PRKAG2: variants seen among roughly 807,000 people sequenced by gnomAD.
The protein encoded by PRKAG2 is protein kinase AMP-activated non-catalytic subunit gamma 2.
Under a neutral mutation model 69.6 loss-of-function variants are expected in PRKAG2, and 26 were observed. The ratio of observed to expected loss-of-function variants is 0.37; its 90% CI spans 0.27 to 0.52. PRKAG2 has a LOEUF of 0.52. PRKAG2 is among the 20% of genes least tolerant of loss of function. The pLI is 0.90. For synonymous variants in PRKAG2, 293 were observed against 285.0 expected (o/e 1.03, Z -0.28); for missense variants, 557 against 740.0 (o/e 0.75, Z 2.87).
chr7:151,817,661 C>T (rs2078676892), intron 1 of PRKAG2, among the ~76,000 whole-genome samples: 1 of 152,226 alleles, frequency 6.6e-6, no homozygotes, highest in Admixed American at 6.5e-5. Flanking sequence ...TCACCAGGGC[C>T]CTCTCCTGGA....
At chr7:151,675,365 C>T (rs1224128041) in intron 4 of PRKAG2, 55 bp downstream of exon 4, 31 of 1,532,988 alleles carry the variant, frequency 2.0e-5, no homozygotes, top group Non-Finnish European at 2.5e-5. Context: ...GCAATAACTG[C>T]TCTGCCCTCC....
At chr7:151,813,996 G>A (rs144764381) in intron 1 of PRKAG2, among the ~76,000 whole-genome samples, 238 of 152,228 alleles carry the variant, frequency 1.6e-3, no homozygotes, top group Non-Finnish European at 2.8e-3. Context: ...TGACAACTTC[G>A]CTAAGATTTC....
At chr7:151,822,823 G>A (rs1292420738) in intron 1 of PRKAG2, among the ~76,000 whole-genome samples, 1 of 151,176 alleles carries the variant, frequency 6.6e-6, no homozygotes, top group African/African-American at 2.4e-5. Flanking sequence ...ACACCTCCAC[G>A]TCACACTCCC....
At chr7:151,713,136 C>T (rs1795591104) in intron 3 of PRKAG2, among the ~76,000 whole-genome samples, 1 of 152,128 alleles carries the variant, frequency 6.6e-6, no homozygotes, top group Admixed American at 6.5e-5. Flanking sequence ...AAATGGTGAA[C>T]AGAGAAGGAA....
At chr7:151,851,670 C>T (rs1262702468) in intron 1 of PRKAG2, among the ~76,000 whole-genome samples, 1 of 152,180 alleles carries the variant, frequency 6.6e-6, no homozygotes. Context: ...TAGGGGAGAG[C>T]GCTCCTGGGG....
At chr7:151,864,198 C>G (rs1340296031) in intron 1 of PRKAG2, among the ~76,000 whole-genome samples, 1 of 152,318 alleles carries the variant, frequency 6.6e-6, no homozygotes, top group South Asian at 2.1e-4. Context: ...GCCACAGGGC[C>G]GGCAGATGGC....
chr7:151,595,643 T>G, intron 5 of PRKAG2, among the ~76,000 whole-genome samples, 189 bp from the exon 6 acceptor site: 1 of 152,036 alleles, frequency 6.6e-6, no homozygotes, highest in South Asian at 2.1e-4. Flanking sequence ...AGGTCCCAGA[T>G]GGTGAAATAA....
intron 1 of PRKAG2, among the ~76,000 whole-genome samples, chr7:151,833,507 G>A (rs1197159786): frequency 6.6e-6 from 1 of 152,158 alleles, no homozygotes; most frequent in Admixed American, 6.5e-5. Flanking sequence ...CCCTGTGGGT[G>A]CCGCCCTCAC....
At chr7:151,791,193 C>T (rs2077260279) in intron 1 of PRKAG2, among the ~76,000 whole-genome samples, 1 of 152,190 alleles carries the variant, frequency 6.6e-6, no homozygotes, top group Non-Finnish European at 1.5e-5. Flanking sequence ...CTAATCTTGG[C>T]TCTCATCTCC....
rs144357633 is a variant in PRKAG2, at chr7:151,806,112, C to T, written c.115-19571G>A. On this transcript the variant is annotated intron_variant, in intron 1 of 15. Transcript: ENST00000287878. ...GCTGAAGCAGGAGAATCGCTTGAAC[C>T]CGGGAAGCGGAGGTTGCAGTGAGCC... Among the ~76,000 whole-genome samples the T allele has an allele frequency of 5.9e-3, 898 of 152,284 alleles. 15 individuals carry two copies. Among genetic ancestry groups the T allele is most frequent in the African/African-American group, 0.021 (858 of 41,556 alleles).
Position 151,629,334 on chromosome 7 carries a change from G to A in PRKAG2, c.754+2735C>T, listed in dbSNP as rs75257216. 1.2e-3 allele frequency among the ~76,000 whole-genome samples: 190 copies of A among 152,314 alleles called. 2 individuals are homozygous for A. In the East Asian group the frequency reaches 0.034, roughly 27 times the overall value. ...CTAGGCAAGTCCCACCCCAGACCTA[G>A]AGAACTGGAATCTGCCTTTCAAAAA... On this transcript the variant is annotated intron_variant, in intron 5 of 15. Transcript: ENST00000287878.
rs1296148512 is a variant in PRKAG2, at chr7:151,828,569, C to G, written c.115-42028G>C. 2.6e-5 allele frequency among the ~76,000 whole-genome samples: 4 copies of G among 152,136 alleles called. No homozygotes were observed. The highest frequency in any genetic ancestry group is 4.8e-5 in the African/African-American group (2 of 41,436). ...CTACAAACTGACCGTGGCTTTGTCT[C>G]ATCTCTTCTTCCCTCCTTTTAAGGG... On this transcript the variant is annotated intron_variant, in intron 1 of 15. Transcript: ENST00000287878. The surrounding 1 kb of genome is among the most constrained non-coding windows in gnomAD (Gnocchi z 4.6).
At chr7:151,862,850 G>A (rs1246098779) in intron 1 of PRKAG2, among the ~76,000 whole-genome samples, 1 of 151,526 alleles carries the variant, frequency 6.6e-6, no homozygotes, top group Non-Finnish European at 1.5e-5. Context: ...AGCACTGGTA[G>A]ATCCCTGGGT....
At chr7:151,615,474 T>C (rs1474832882) in intron 5 of PRKAG2, among the ~76,000 whole-genome samples, 2 of 152,210 alleles carry the variant, frequency 1.3e-5, no homozygotes, top group African/African-American at 4.8e-5. Flanking sequence ...GAAGATGACC[T>C]AGGAAATACC....
rs1359261569 is a variant in PRKAG2 at position 151,699,345 on chromosome 7, C to T, written c.467-23708G>A. ...GCAGATCTCCGGGAGATGCTGACTG[C>T]TGGCCGGATGCCTGTGTGGTTACGA... On this transcript the variant is annotated intron_variant, in intron 3 of 15. Transcript: ENST00000287878. The surrounding 1 kb of genome is among the most constrained non-coding windows in gnomAD (Gnocchi z 4.5). 1.3e-5 allele frequency among the ~76,000 whole-genome samples: 2 copies of T among 152,238 alleles called. No homozygotes were observed. Among genetic ancestry groups the T allele is most frequent in the East Asian group, 3.8e-4 (2 of 5,196 alleles).
intron 6 of PRKAG2, among the ~76,000 whole-genome samples, chr7:151,588,064 C>A (rs531703422): frequency 6.6e-6 from 1 of 152,162 alleles, no homozygotes; most frequent in South Asian, 2.1e-4. Flanking sequence ...AAAGAAGTTA[C>A]ATTGCCACTG....
intron 9 of PRKAG2, among the ~76,000 whole-genome samples, chr7:151,570,543 T>C (rs1807301306): frequency 1.3e-5 from 2 of 152,184 alleles, no homozygotes; most frequent in Non-Finnish European, 1.5e-5. Flanking sequence ...ACTAGAATGC[T>C]ACCAGGTTCA....
intron 14 of PRKAG2, among the ~76,000 whole-genome samples, chr7:151,562,373 G>C (rs1424271904): frequency 6.6e-6 from 1 of 151,520 alleles, no homozygotes. Context: ...CAGGGACATA[G>C]GAAGGAGATA....
intron 3 of PRKAG2, among the ~76,000 whole-genome samples, chr7:151,739,021 T>G (rs1255915810): frequency 6.6e-6 from 1 of 151,696 alleles, no homozygotes; most frequent in African/African-American, 2.4e-5. Context: ...GCCACTCCCA[T>G]GGGGCCTCCA....
Sources: allele counts gnomAD v4.1 joint callset (sites outside exome capture counted in the v4.1 genomes callset), GRCh38; gene constraint gnomAD v4.1.1; non-coding constraint Gnocchi (gnomAD v3.1); transcripts MANE v1.5; gene names NCBI Gene and HGNC (gene_info 2026-07-23, HGNC 2026-07-21).